Variants in NLGN1 observed in about 807,000 individuals in gnomAD.
NLGN1 encodes the protein neuroligin 1.
In NLGN1, 12 loss-of-function variants were observed where a neutral mutation model predicts 65.5. The observed-to-expected ratio is 0.18, with a 90% CI of 0.12 to 0.30. The LOEUF is 0.30. Among genes scored for constraint, NLGN1 ranks in the 10% least tolerant of loss-of-function variants. The pLI is 1.00. For missense variants in NLGN1, 750 were observed against 1,007.1 expected (o/e 0.74, Z 3.46); for synonymous variants, 350 against 359.5 (o/e 0.97, Z 0.30).
Position 173,821,727 on chromosome 3 carries a change from T to C in NLGN1, c.646+13895T>C, listed in dbSNP as rs142098010. ...ACCACAGATCAGACATATATAACTTTTTCCCTGATTCCAAGTTGATCTGCA... is the reference window on the plus strand; with the variant it reads ...ACCACAGATCAGACATATATAACTTCTTCCCTGATTCCAAGTTGATCTGCA... On this transcript the variant is annotated intron_variant, in intron 4 of 6. Coordinates refer to ENST00000457714, the Ensembl canonical transcript of NLGN1. Among the ~76,000 whole-genome samples the C allele has an allele frequency of 1.4e-4, 22 of 152,240 alleles. No individual in the cohort carries two copies. The East Asian group carries it at 4.1e-3, about 28-fold the overall frequency.
chr3:174,158,038 A>G (rs1725784438), intron 4 of NLGN1, among the ~76,000 whole-genome samples: 1 of 151,766 alleles, frequency 6.6e-6, no homozygotes, highest in African/African-American at 2.4e-5. Flanking sequence ...GAGCTTCTGG[A>G]GGGTCGTAAG....
intron 2 of NLGN1, among the ~76,000 whole-genome samples, chr3:173,472,852 G>C (rs1725532463): frequency 6.6e-6 from 1 of 152,124 alleles, no homozygotes; most frequent in Admixed American, 6.6e-5. Flanking sequence ...TCAACCCTGA[G>C]TGTTTGACCC....
intron 4 of NLGN1, among the ~76,000 whole-genome samples, chr3:173,938,268 C>T (rs888482506): frequency 6.6e-6 from 1 of 152,182 alleles, no homozygotes; most frequent in East Asian, 1.9e-4. Flanking sequence ...TATGGCCATT[C>T]GAATTGTTTT....
exon 7 of NLGN1, chr3:174,281,210 C>A: frequency 6.2e-7 from 1 of 1,613,236 alleles, no homozygotes; most frequent in South Asian, 1.1e-5. Context: ...GGATTCAGCC[C>A]TTACACACAT....
chr3:174,182,780 T>G (rs575455679), intron 4 of NLGN1, among the ~76,000 whole-genome samples: 13 of 152,238 alleles, frequency 8.5e-5, no homozygotes, highest in African/African-American at 2.9e-4. Flanking sequence ...CATTCCCTGT[T>G]CCTACTCAGC....
chr3:173,787,490 GTTAATA>G (rs766391744), intron 3 of NLGN1, among the ~76,000 whole-genome samples: 2 of 152,142 alleles, frequency 1.3e-5, no homozygotes, highest in African/African-American at 2.4e-5. Flanking sequence ...GCTTCCAATA[GTTAATA>G]TTAGTATTAA....
intron 4 of NLGN1, among the ~76,000 whole-genome samples, chr3:173,845,440 C>G (rs921504745): frequency 6.6e-5 from 10 of 152,100 alleles, no homozygotes; most frequent in African/African-American, 2.4e-4. Flanking sequence ...CATAAACAAA[C>G]AGAAAAACAC....
At chr3:173,495,713 A>C (rs1329469392) in intron 2 of NLGN1, among the ~76,000 whole-genome samples, 9 of 149,212 alleles carry the variant, frequency 6.0e-5, no homozygotes, top group Non-Finnish European at 1.2e-4. Flanking sequence ...TTGAGGTATA[A>C]ATTACAAACA....
intron 2 of NLGN1, among the ~76,000 whole-genome samples, chr3:173,501,472 A>G (rs1731111032): frequency 6.6e-6 from 1 of 152,146 alleles, no homozygotes; most frequent in Admixed American, 6.6e-5. Context: ...AAATAAAAAC[A>G]GAACTTTAAG....
chr3:173,575,788 CT>C (rs1745413737), intron 2 of NLGN1, among the ~76,000 whole-genome samples: 1 of 152,012 alleles, frequency 6.6e-6, no homozygotes, highest in Non-Finnish European at 1.5e-5. Context: ...TCAGATCTTT[CT>C]TTTTAAATAT....
chr3:173,694,004 A>G (rs1765837706), intron 3 of NLGN1, among the ~76,000 whole-genome samples: 2 of 152,100 alleles, frequency 1.3e-5, no homozygotes, highest in Admixed American at 1.3e-4. Context: ...AAATAAAAGG[A>G]AAGTATAAGA....
intron 3 of NLGN1, among the ~76,000 whole-genome samples, chr3:173,617,051 C>G (rs553900606): frequency 9.2e-5 from 14 of 152,192 alleles, no homozygotes; most frequent in African/African-American, 3.4e-4. Flanking sequence ...TAGTCAACCT[C>G]CATCCTACCT....
intron 4 of NLGN1, among the ~76,000 whole-genome samples, chr3:174,267,989 C>CAGTT (rs1433369405): frequency 3.9e-5 from 6 of 152,000 alleles, no homozygotes; most frequent in Non-Finnish European, 8.8e-5. Flanking sequence ...AAATATTGAA[C>CAGTT]AGTTAGAAAA....
chr3:173,812,077 A>G (rs1718066414), intron 4 of NLGN1, among the ~76,000 whole-genome samples: 1 of 152,184 alleles, frequency 6.6e-6, no homozygotes, highest in Non-Finnish European at 1.5e-5. Context: ...AAAAGTTTAA[A>G]TATTTTAGAA....
chr3:173,569,163 T>A (rs1744218063), intron 2 of NLGN1, among the ~76,000 whole-genome samples: 1 of 152,208 alleles, frequency 6.6e-6, no homozygotes. Context: ...AGGCACAATT[T>A]GAAAATGTGT....
intron 4 of NLGN1, among the ~76,000 whole-genome samples, chr3:174,218,168 A>G (rs1375803147): frequency 6.6e-6 from 1 of 152,072 alleles, no homozygotes; most frequent in Non-Finnish European, 1.5e-5. Context: ...TATTCATGGT[A>G]ATAGAATCTG....
At chr3:173,823,576 CTGTT>C (rs1720744239) in intron 4 of NLGN1, among the ~76,000 whole-genome samples, 5 of 152,076 alleles carry the variant, frequency 3.3e-5, no homozygotes, top group South Asian at 4.1e-4. Flanking sequence ...ACAGAAAACA[CTGTT>C]TGGCGCTGCT....
intron 4 of NLGN1, among the ~76,000 whole-genome samples, chr3:174,204,987 A>G (rs1056581601): frequency 6.6e-6 from 1 of 152,212 alleles, no homozygotes. Flanking sequence ...AACACAGAAA[A>G]CTAGTCACAT....
chr3:173,767,580 A>G (rs1778956884), intron 3 of NLGN1, among the ~76,000 whole-genome samples: 1 of 151,968 alleles, frequency 6.6e-6, no homozygotes, highest in Non-Finnish European at 1.5e-5. Context: ...ACTTTTTAAG[A>G]CCTTTTCACG....
Sources: allele counts gnomAD v4.1 joint callset (sites outside exome capture counted in the v4.1 genomes callset), GRCh38; gene constraint gnomAD v4.1.1; transcripts MANE v1.5; gene names NCBI Gene and HGNC (gene_info 2026-07-23, HGNC 2026-07-21).